HAPSTR1: variants seen among roughly 807,000 people sequenced by gnomAD.
HAPSTR1 encodes HUWE1-associated protein modifying stress responses 1.
the HAPSTR1 span, chr16:9,091,764 C>A: frequency 2.2e-5 from 8 of 371,070 alleles, no homozygotes; most frequent in Admixed American, 9.3e-5. Context: ...CAGGCTGCGG[C>A]GGCCGAGGCG....
the HAPSTR1 span, among the ~76,000 whole-genome samples, chr16:9,096,126 C>A: frequency 2.0e-5 from 3 of 152,134 alleles, no homozygotes; most frequent in African/African-American, 7.2e-5. Context: ...ACAGTGAAGC[C>A]AGGTGTTAAT....
the HAPSTR1 span, chr16:9,106,059 G>A: frequency 5.9e-5 from 9 of 152,288 alleles, no homozygotes; most frequent in Admixed American, 4.6e-4. Context: ...CATTGCCCTT[G>A]TAAGCCTGGG....
the HAPSTR1 span, among the ~76,000 whole-genome samples, chr16:9,099,369 T>C: frequency 6.6e-6 from 1 of 152,116 alleles, no homozygotes; most frequent in East Asian, 1.9e-4. Context: ...GGCTAATTTT[T>C]ATATTTTGAG....
At chr16:9,093,034 GGAAGGGCCGCCT>G in the HAPSTR1 span, 1 of 1,580,776 alleles carries the variant, frequency 6.3e-7, no homozygotes, top group East Asian at 2.2e-5. Context: ...GCCGATTCAG[GGAAGGGCCGCCT>G]GCGTCAGGGT....
chr16:9,094,611 G>A, the HAPSTR1 span, among the ~76,000 whole-genome samples: 1 of 151,994 alleles, frequency 6.6e-6, no homozygotes, highest in Non-Finnish European at 1.5e-5. Flanking sequence ...AGTCCTTGTA[G>A]CCTATTGTGT....
At chr16:9,092,342 C>T in the HAPSTR1 span, 1 of 1,228,812 alleles carries the variant, frequency 8.1e-7, no homozygotes, top group Non-Finnish European at 1.0e-6. Flanking sequence ...CCTATCGGCT[C>T]AGCGGCCGCT....
the HAPSTR1 span, chr16:9,112,186 G>A: frequency 2.0e-5 from 3 of 152,036 alleles, no homozygotes; most frequent in African/African-American, 7.2e-5. Context: ...AACTCCCCTG[G>A]TACATCTTAA....
At chr16:9,100,818 A>G in the HAPSTR1 span, among the ~76,000 whole-genome samples, 8 of 152,154 alleles carry the variant, frequency 5.3e-5, no homozygotes, top group Non-Finnish European at 1.2e-4. Context: ...TACAGGCATG[A>G]GCCACCATGC....
At chr16:9,120,673 CTTTTTTTTTTT>C in the HAPSTR1 span, 3 of 100,626 alleles carry the variant, frequency 3.0e-5, no homozygotes, top group Non-Finnish European at 5.5e-5. Context: ...ATGGTGAAAT[CTTTTTTTTTTT>C]TTTTTTTTTT....
At chr16:9,116,942 GCTTGAAAGCCA>G in the HAPSTR1 span, 3 of 1,609,720 alleles carry the variant, frequency 1.9e-6, no homozygotes, top group Non-Finnish European at 2.5e-6. Context: ...CCACCATGCT[GCTTGAAAGCCA>G]CTTGATCCTC....
chr16:9,093,377 C>G, the HAPSTR1 span, among the ~76,000 whole-genome samples: 1 of 152,164 alleles, frequency 6.6e-6, no homozygotes, highest in African/African-American at 2.4e-5. Context: ...AAGCGTTGAG[C>G]TGGAAGACGG....
At chr16:9,103,368 TA>T in the HAPSTR1 span, 1 of 1,157,656 alleles carries the variant, frequency 8.6e-7, no homozygotes, top group Non-Finnish European at 1.2e-6. Flanking sequence ...TGTCTTACAG[TA>T]AACAGCTTGC....
the HAPSTR1 span, chr16:9,116,563 A>G: frequency 7.1e-7 from 1 of 1,416,258 alleles, no homozygotes; most frequent in Non-Finnish European, 9.6e-7. Context: ...TATAAAGGAA[A>G]TAGGCAGACA....
chr16:9,093,883 C>T, the HAPSTR1 span, among the ~76,000 whole-genome samples: 7 of 150,884 alleles, frequency 4.6e-5, no homozygotes, highest in Non-Finnish European at 7.4e-5. Flanking sequence ...AAGGATTTGA[C>T]TTTGTTAATC....
chr16:9,094,176 CAA>C, the HAPSTR1 span, among the ~76,000 whole-genome samples: 5 of 151,864 alleles, frequency 3.3e-5, no homozygotes, highest in Non-Finnish European at 5.9e-5. Context: ...GAACTGGTAA[CAA>C]AGTGGTGAAA....
chr16:9,092,623 G>A, the HAPSTR1 span, among the ~76,000 whole-genome samples: 2 of 151,918 alleles, frequency 1.3e-5, no homozygotes, highest in South Asian at 4.1e-4. Context: ...GCCCCATTGT[G>A]CCCTGAGCCG....
At chr16:9,105,264 G>T in the HAPSTR1 span, 1 of 152,186 alleles carries the variant, frequency 6.6e-6, no homozygotes, top group African/African-American at 2.4e-5. Context: ...TGTCTAGGAA[G>T]AAAATGATCT....
At chr16:9,100,008 G>C in the HAPSTR1 span, among the ~76,000 whole-genome samples, 2 of 152,198 alleles carry the variant, frequency 1.3e-5, no homozygotes, top group Admixed American at 6.5e-5. Flanking sequence ...TTGGTTTTCA[G>C]AATATATACT....
chr16:9,094,782 A>T, the HAPSTR1 span, among the ~76,000 whole-genome samples: 5 of 152,180 alleles, frequency 3.3e-5, no homozygotes, highest in Non-Finnish European at 5.9e-5. Flanking sequence ...TTGAAGGGGA[A>T]GGCAACACAT....
Sources: allele counts gnomAD v4.1 joint callset (sites outside exome capture counted in the v4.1 genomes callset), GRCh38; gene constraint gnomAD v4.1.1; transcripts MANE v1.5; gene names NCBI Gene and HGNC (gene_info 2026-07-23, HGNC 2026-07-21).